The following PDE1C variants were observed in gnomAD, a reference collection of about 807,000 sequenced individuals.
PDE1C encodes dual specificity calcium/calmodulin-dependent 3',5'-cyclic nucleotide phosphodiesterase 1C.
Under a neutral mutation model 93.1 loss-of-function variants are expected in PDE1C, and 62 were observed. That is an observed-to-expected ratio of 0.67 (90% confidence interval 0.54 to 0.82). The LOEUF is 0.82. Ranked by LOEUF, PDE1C falls within the 40% of genes least tolerant of loss-of-function variation. PDE1C has a pLI of 0.00. For missense variants in PDE1C, 742 were observed against 884.6 expected, an observed-to-expected ratio of 0.84 and a Z score of 2.04; for synonymous variants, 325 against 310.1, an observed-to-expected ratio of 1.05 and a Z score of -0.50.
chr7:31,813,225 G>A (rs1030586973), intron 15 of PDE1C, among the ~76,000 whole-genome samples: 2 of 152,048 alleles, frequency 1.3e-5, no homozygotes, highest in Admixed American at 6.6e-5. Flanking sequence ...TGAGAGGAGT[G>A]ATTATTTATC....
At chr7:31,878,116 G>C in intron 4 of PDE1C, 80 bp from the exon 5 acceptor site, 1 of 975,314 alleles carries the variant, frequency 1.0e-6, no homozygotes, top group Non-Finnish European at 1.6e-6. Context: ...ACCAAGTATT[G>C]ACAAATAATA....
intron 1 of PDE1C, among the ~76,000 whole-genome samples, chr7:32,213,773 C>T (rs1806226583): frequency 6.6e-6 from 1 of 152,180 alleles, no homozygotes; most frequent in Non-Finnish European, 1.5e-5. Context: ...GTTATCTATG[C>T]CATACTGCTC....
chr7:31,836,910 A>C (rs1018264563), intron 11 of PDE1C, among the ~76,000 whole-genome samples: 5 of 151,762 alleles, frequency 3.3e-5, no homozygotes, highest in Non-Finnish European at 5.9e-5. Context: ...AACCCCTCAA[A>C]TGACATTTTG....
chr7:32,402,611 A>T (rs906677224), intron 1 of PDE1C, among the ~76,000 whole-genome samples: 1 of 152,326 alleles, frequency 6.6e-6, no homozygotes, highest in Middle Eastern at 3.4e-3. Flanking sequence ...AATCTCTTTC[A>T]GAAACATGCT....
the PDE1C span, chr7:31,707,955 A>AT: frequency 6.6e-6 from 1 of 152,122 alleles, no homozygotes; most frequent in Admixed American, 6.5e-5. Context: ...CTTCAAATTT[A>AT]TTTTTGTTTT....
chr7:31,963,997 A>G (rs1809463808), intron 2 of PDE1C, among the ~76,000 whole-genome samples: 1 of 152,202 alleles, frequency 6.6e-6, no homozygotes. Flanking sequence ...CCAAATAGGA[A>G]CAGCTGGGAG....
chr7:32,130,236 T>A (rs1799843012), intron 3 of PDE1C, among the ~76,000 whole-genome samples: 1 of 152,028 alleles, frequency 6.6e-6, no homozygotes, highest in Non-Finnish European at 1.5e-5. Flanking sequence ...GCAGAAGCTA[T>A]CTATCTACCT....
At chr7:32,173,434 C>A (rs1015821266) in intron 2 of PDE1C, among the ~76,000 whole-genome samples, 2 of 151,640 alleles carry the variant, frequency 1.3e-5, no homozygotes, top group Admixed American at 6.6e-5. Flanking sequence ...TACACGTATA[C>A]CTATGTAACA....
intron 2 of PDE1C, among the ~76,000 whole-genome samples, chr7:31,885,035 C>A (rs1337086878): frequency 3.3e-5 from 5 of 152,036 alleles, no homozygotes; most frequent in Non-Finnish European, 7.4e-5. Flanking sequence ...GAATCCATTC[C>A]ATCTAAAAGG....
intron 16 of PDE1C, among the ~76,000 whole-genome samples, chr7:31,800,648 G>T (rs1785896591): frequency 6.6e-6 from 1 of 151,542 alleles, no homozygotes; most frequent in East Asian, 1.9e-4. Flanking sequence ...TTTATAGTAA[G>T]TCTTGAAATC....
chr7:32,015,596 A>T (rs1251214759), intron 2 of PDE1C, among the ~76,000 whole-genome samples: 1 of 151,592 alleles, frequency 6.6e-6, no homozygotes, highest in Non-Finnish European at 1.5e-5. Context: ...TTGACCTTTG[A>T]TTTTCAAACA....
upstream of PDE1C, chr7:32,071,303 T>C (rs1796035449): frequency 5.1e-6 from 5 of 985,288 alleles, no homozygotes; most frequent in East Asian, 1.1e-4. Context: ...TTCGCGGAGG[T>C]TGGGCCTGGA....
chr7:31,894,126 A>G (rs1798978095), intron 2 of PDE1C, among the ~76,000 whole-genome samples: 1 of 152,238 alleles, frequency 6.6e-6, no homozygotes, highest in Non-Finnish European at 1.5e-5. Flanking sequence ...GTAAAAAGAG[A>G]CAACAAGGGA....
chr7:32,271,339 G>A (rs1585058190), intron 1 of PDE1C, among the ~76,000 whole-genome samples: 1 of 152,170 alleles, frequency 6.6e-6, no homozygotes, highest in Non-Finnish European at 1.5e-5. Context: ...TGCTAAATTA[G>A]ATACATATTA....
chr7:31,934,967 A>G (rs528099530), intron 2 of PDE1C, among the ~76,000 whole-genome samples: 1 of 152,368 alleles, frequency 6.6e-6, no homozygotes, highest in African/African-American at 2.4e-5. Flanking sequence ...TTTCATTTTA[A>G]AACTACAGTG....
At chr7:31,970,000 G>A (rs1388669750) in intron 2 of PDE1C, among the ~76,000 whole-genome samples, 2 of 152,130 alleles carry the variant, frequency 1.3e-5, no homozygotes, top group Admixed American at 6.5e-5. Flanking sequence ...TGTGGGGTTG[G>A]GGGAGTGGGG....
intron 3 of PDE1C, among the ~76,000 whole-genome samples, chr7:32,110,657 A>C (rs62458869): frequency 1.1e-4 from 16 of 152,026 alleles, no homozygotes; most frequent in Non-Finnish European, 1.8e-4. Context: ...CTGAGCGTTG[A>C]ATTCTGAGAT....
rs1562660269 is a variant in PDE1C, at chr7:32,298,009, TCTCTCTC to T, written c.85+635_85+641del. ...TCTCTCTCTCTCTCCTCTCTCTCTC[TCTCTCTC>T]CCTCTCTCTCTCTCTCTCTCTCTCT... On this transcript the variant is annotated intron_variant, in intron 1 of 18. Coordinates refer to the PDE1C transcript ENST00000396193. Among the ~76,000 whole-genome samples the T allele has an allele frequency of 1.8e-3, 61 of 33,088 alleles. 3 individuals carry two copies. The East Asian group carries it at 0.021, about 11-fold the overall frequency. The allele number at this position is 33,088 out of a possible 152,430, so 21.7% of individuals were successfully genotyped here. A position where few individuals can be genotyped will look rare whatever the true frequency, so the allele number is the denominator to read the frequency against.
intron 3 of PDE1C, among the ~76,000 whole-genome samples, chr7:32,147,251 G>GAAAGA (rs1563352266): frequency 1.7e-3 from 116 of 70,296 alleles, no homozygotes; most frequent in African/African-American, 6.3e-3. Flanking sequence ...AAGAAAGAAA[G>GAAAGA]AAAAGAAAGA....
Sources: gnomAD v4.1 joint callset for allele counts (sites outside exome capture counted in the v4.1 genomes callset) on GRCh38, gnomAD v4.1.1 for gene constraint, MANE v1.5 for transcripts, NCBI Gene and HGNC (gene_info 2026-07-23, HGNC 2026-07-21) for gene names.